The following THRB variants were observed in gnomAD, a reference collection of about 807,000 sequenced individuals.
The protein encoded by THRB is nuclear receptor subfamily 1 group A member 2.
In THRB, 12 loss-of-function variants were observed where a neutral mutation model predicts 47.8. That is an observed-to-expected ratio of 0.25 (90% CI 0.16 to 0.41). The LOEUF is 0.41. Ranked by LOEUF, THRB falls within the 10% of genes least tolerant of loss-of-function variation. The pLI, the probability that THRB is intolerant of heterozygous loss-of-function variation, is 1.00. For synonymous variants in THRB, 218 were observed against 212.2 expected (o/e 1.03, Z -0.24); for missense variants, 348 against 589.2 (o/e 0.59, Z 4.24).
rs149926941 is a variant in THRB at position 24,259,476 on chromosome 3, G to C, written c.-42-30475C>G. 5.9e-4 allele frequency among the ~76,000 whole-genome samples: 90 copies of C among 152,280 alleles called. No homozygotes were observed. In the East Asian group the frequency reaches 0.016, roughly 27 times the overall value. On this transcript the variant is annotated intron_variant, in intron 3 of 10. Transcript: ENST00000646209. ...GTATGTGTATGCTGCTTTGACGAGA[G>C]AGGAACACACCGCCTTAAGACTCCT... is the stretch of plus-strand genomic sequence containing the variant.
intron 3 of THRB, among the ~76,000 whole-genome samples, chr3:24,273,149 C>CT (rs2053534516): frequency 6.6e-6 from 1 of 152,022 alleles, no homozygotes; most frequent in African/African-American, 2.4e-5. Context: ...CACACACACC[C>CT]ACACACACCA....
intron 1 of THRB, among the ~76,000 whole-genome samples, chr3:24,465,935 C>G (rs1245701723): frequency 6.6e-6 from 1 of 152,040 alleles, no homozygotes; most frequent in Non-Finnish European, 1.5e-5. Context: ...CTCCCATCTC[C>G]CCCTTCCATT....
chr3:24,135,187 G>A (rs912629496), intron 8 of THRB, among the ~76,000 whole-genome samples: 5 of 152,116 alleles, frequency 3.3e-5, no homozygotes, highest in South Asian at 2.1e-4. Context: ...GCCTCCTCCC[G>A]CATATCTCCT....
intron 1 of THRB, among the ~76,000 whole-genome samples, chr3:24,366,439 G>A (rs952982069): frequency 1.3e-5 from 2 of 152,030 alleles, no homozygotes; most frequent in Non-Finnish European, 2.9e-5. Context: ...AAGGCCTAAC[G>A]GCTGCTGATT....
chr3:24,492,041 G>A (rs1204677966), intron 1 of THRB, among the ~76,000 whole-genome samples: 1 of 152,258 alleles, frequency 6.6e-6, no homozygotes, highest in Non-Finnish European at 1.5e-5. Context: ...AGCATGGAAT[G>A]TGTGCAACAC....
At chr3:24,392,383 GTACAT>G (rs1416311839) in intron 1 of THRB, among the ~76,000 whole-genome samples, 1 of 151,996 alleles carries the variant, frequency 6.6e-6, no homozygotes, top group African/African-American at 2.4e-5. Flanking sequence ...TTTGTGATGG[GTACAT>G]TACAACTCTT....
intron 5 of THRB, among the ~76,000 whole-genome samples, chr3:24,153,874 T>G (rs1365260379): frequency 6.6e-6 from 1 of 152,200 alleles, no homozygotes; most frequent in African/African-American, 2.4e-5. Context: ...TTCAGCAAAG[T>G]CTTCTTTGTT....
chr3:24,314,629 C>T (rs752536184), intron 2 of THRB, among the ~76,000 whole-genome samples: 1 of 152,186 alleles, frequency 6.6e-6, no homozygotes, highest in Non-Finnish European at 1.5e-5. Context: ...CTCTGTGCTT[C>T]AGTCCTTCTC....
At chr3:24,130,430 A>G (rs1386787323) in intron 9 of THRB, among the ~76,000 whole-genome samples, 1 of 152,028 alleles carries the variant, frequency 6.6e-6, no homozygotes, top group Non-Finnish European at 1.5e-5. Flanking sequence ...TGAGTTTTAC[A>G]CTGGAAAAAA....
chr3:24,152,537 G>T, intron 5 of THRB, 47 bp from the exon 6 acceptor site: 1 of 1,040,942 alleles, frequency 9.6e-7, no homozygotes, highest in Non-Finnish European at 1.5e-6. Context: ...ATATGTTAAC[G>T]TCAAAGAGAC....
intron 2 of THRB, among the ~76,000 whole-genome samples, chr3:24,333,669 C>A (rs2062062686): frequency 1.3e-5 from 2 of 152,174 alleles, no homozygotes; most frequent in Non-Finnish European, 2.9e-5. Flanking sequence ...AAAAAAATGT[C>A]CTGCTTATTT....
intron 4 of THRB, among the ~76,000 whole-genome samples, chr3:24,203,229 A>G (rs2044813279): frequency 6.6e-6 from 1 of 152,140 alleles, no homozygotes; most frequent in Non-Finnish European, 1.5e-5. Context: ...CCTGGGCAAC[A>G]TGGCAAAACC....
At chr3:24,331,950 G>A (rs559256537) in intron 2 of THRB, among the ~76,000 whole-genome samples, 25 of 152,104 alleles carry the variant, frequency 1.6e-4, no homozygotes, top group Middle Eastern at 6.8e-3. Flanking sequence ...ATTCCTCTCC[G>A]TACTTGAAGG....
rs749461401 is a variant in THRB, at chr3:24,229,004, A to G, written c.-42-3T>C. The G allele has an allele frequency of 6.6e-7, 1 of 1,523,558 alleles. No homozygotes were observed. Among genetic ancestry groups the G allele is most frequent in the African/African-American group, 1.7e-5 (1 of 59,306 alleles). 94.4% of individuals were successfully genotyped at this position (1,523,558 alleles called of 1,614,324 possible). On this transcript the variant is annotated splice_region_variant and splice_polypyrimidine_tract_variant and intron_variant, in intron 3 of 10. Transcript: ENST00000646209. ...ATCCCTTTTTTCACTGACATCTCCT[A>G]CAAGGAAAAAATACAAAAAAAATCA...
intron 1 of THRB, among the ~76,000 whole-genome samples, chr3:24,352,878 A>G (rs2063442204): frequency 6.6e-6 from 1 of 152,174 alleles, no homozygotes; most frequent in Admixed American, 6.5e-5. Context: ...TTGTTTTTCA[A>G]ATTCCCACTT....
At chr3:24,182,303 T>TG (rs2042010248) in intron 5 of THRB, among the ~76,000 whole-genome samples, 1 of 152,202 alleles carries the variant, frequency 6.6e-6, no homozygotes, top group Non-Finnish European at 1.5e-5. Context: ...GGAGATGTCC[T>TG]GGGGAAGGGA....
At chr3:24,139,475 C>T (rs1426544251) in intron 8 of THRB, among the ~76,000 whole-genome samples, 1 of 151,642 alleles carries the variant, frequency 6.6e-6, no homozygotes, top group Non-Finnish European at 1.5e-5. Flanking sequence ...CCTTGACCTC[C>T]TGGGCTTAAG....
In THRB at chr3:24,195,143, A is replaced by G. The variant is rs369086472; in HGVS notation, c.23-4809T>C. 4.6e-5 allele frequency among the ~76,000 whole-genome samples: 7 copies of G among 152,346 alleles called. No homozygotes were observed. In the East Asian group the frequency reaches 7.7e-4, roughly 17 times the overall value. ...TAAGGTTTAGCCTTGCTGAATTCTC[A>G]GACTATGTACGCCTCAACTGATTTT... is the stretch of plus-strand genomic sequence containing the variant. On this transcript the variant is annotated intron_variant, in intron 4 of 10. Coordinates refer to ENST00000646209, the MANE Select transcript of THRB (RefSeq NM_001354712.2).
chr3:24,294,355 A>G (rs2056256503), intron 3 of THRB, among the ~76,000 whole-genome samples: 1 of 152,198 alleles, frequency 6.6e-6, no homozygotes, highest in African/African-American at 2.4e-5. Context: ...TGAGAGGTAA[A>G]AAATAGTTGT....
Sources: gnomAD v4.1 joint callset for allele counts (sites outside exome capture counted in the v4.1 genomes callset) on GRCh38, gnomAD v4.1.1 for gene constraint, MANE v1.5 for transcripts, NCBI Gene and HGNC (gene_info 2026-07-23, HGNC 2026-07-21) for gene names.